TTYH3: variants seen among roughly 807,000 people sequenced by gnomAD.
TTYH3 encodes the protein protein tweety homolog 3.
In TTYH3, 23 loss-of-function variants were observed where a neutral mutation model predicts 68.2. The observed-to-expected ratio is 0.34, with a 90% CI of 0.24 to 0.48. The LOEUF (loss-of-function observed/expected upper bound fraction) is 0.48. Ranked by LOEUF, TTYH3 falls within the 20% of genes least tolerant of loss-of-function variation. TTYH3 has a pLI of 0.99. For synonymous variants in TTYH3, 360 were observed against 332.8 expected (o/e 1.08, Z -0.89); for missense variants, 768 against 727.7 (o/e 1.06, Z -0.64).
At chr7:2,644,909 T>C (rs1444764117) in intron 1 of TTYH3, among the ~76,000 whole-genome samples, 2 of 152,180 alleles carry the variant, frequency 1.3e-5, no homozygotes, top group East Asian at 3.8e-4. Flanking sequence ...AGCAATCCCA[T>C]TGCCCACTGT....
chr7:2,658,301 C>CG lies in TTYH3; in HGVS notation c.1270dup (p.Glu424GlyfsTer33). On this transcript the variant is annotated frameshift_variant, in exon 12 of 14. Transcript: ENST00000258796. LOFTEE classifies it high-confidence loss of function. ...CTCCTCACAGAGGCCCTGATGAGGA[C>CG]GGGGAGGAGGAGGCCGCTCCAGGGC... is the stretch of plus-strand genomic sequence containing the variant. 1 of 1,589,304 alleles carries CG rather than the reference C, an allele frequency of 6.3e-7. No individual in the cohort carries two copies. The highest frequency in any genetic ancestry group is 8.6e-7 in the Non-Finnish European group (1 of 1,167,534).
chr7:2,649,530 T>A lies in TTYH3; in HGVS notation c.723-37T>A. 2.6e-6 allele frequency: 4 copies of A among 1,547,168 alleles called. No homozygotes were observed. In the South Asian group the frequency reaches 4.7e-5, roughly 18 times the overall value. On this transcript the variant is annotated intron_variant, in intron 5 of 13. Transcript: ENST00000258796. ...CCAGCAGGTGGCACGGCCCCCACCC[T>A]GGCCTGGGGGCTGCTGACTGGCTGT...
At chr7:2,641,623 ATCAGACAGTTCCCAT>A (rs1785848837) in intron 1 of TTYH3, among the ~76,000 whole-genome samples, 1 of 152,206 alleles carries the variant, frequency 6.6e-6, no homozygotes, top group African/African-American at 2.4e-5. Context: ...CCAGCTGCTG[ATCAGACAGTTCCCAT>A]TCTTTCTCTG....
At position 2,659,844 on chromosome 7, in the gene TTYH3, C is replaced by T. The variant is rs187425008; in HGVS notation, c.1500+829C>T. The T allele has an allele frequency of 3.0e-4, 369 of 1,233,402 alleles. 1 individual carries two copies. Among genetic ancestry groups the T allele is most frequent in the Admixed American group, 5.3e-4 (20 of 37,810 alleles). 76.4% of individuals were successfully genotyped at this position (1,233,402 alleles called of 1,614,324 possible). Reference sequence around the variant, plus strand: ...GGCTGCCCTCGTCCTCGCCATCACACGGCCCACAGCCCACTCCTGGCCCCA... The same window carrying T: ...GGCTGCCCTCGTCCTCGCCATCACATGGCCCACAGCCCACTCCTGGCCCCA... On this transcript the variant is annotated intron_variant, in intron 13 of 13. Transcript: ENST00000258796.
chr7:2,650,146 C>A (rs757791037), intron 7 of TTYH3, among the ~76,000 whole-genome samples, 158 bp downstream of exon 7: 1 of 152,234 alleles, frequency 6.6e-6, no homozygotes, highest in Non-Finnish European at 1.5e-5. Context: ...ACAGGACCAC[C>A]TTTCCCAAGT....
At chr7:2,654,165 C>T (rs1157623625) in intron 9 of TTYH3, among the ~76,000 whole-genome samples, 4 of 152,134 alleles carry the variant, frequency 2.6e-5, no homozygotes, top group Admixed American at 6.5e-5. Flanking sequence ...GGGGCTGAGG[C>T]AAGGGGATCA....
At chr7:2,640,610 T>C (rs1021170722) in intron 1 of TTYH3, among the ~76,000 whole-genome samples, 2 of 152,130 alleles carry the variant, frequency 1.3e-5, no homozygotes, top group Admixed American at 6.5e-5. Flanking sequence ...GGCAGCCTGG[T>C]GTGGTGTGGC....
In TTYH3 at chr7:2,645,304, C is replaced by T. The variant is rs1172563628; in HGVS notation, c.124-1549C>T. Among the ~76,000 whole-genome samples, 2 of 152,236 alleles carry T rather than the reference C, an allele frequency of 1.3e-5. No homozygotes were observed. Among genetic ancestry groups the T allele is most frequent in the African/African-American group, 4.8e-5 (2 of 41,464 alleles). On this transcript the variant is annotated intron_variant, in intron 1 of 13. Coordinates refer to ENST00000258796, the MANE Select transcript of TTYH3 (RefSeq NM_025250.3). The surrounding 1 kb of genome is among the most constrained non-coding windows in gnomAD (Gnocchi z 4.8). Reference sequence around the variant, plus strand: ...GGGTTGCAGGGCCTGTGTGCTTTCTCTGTAGCTTCTATGAAGCCCAGTTTC... The same window carrying T: ...GGGTTGCAGGGCCTGTGTGCTTTCTTTGTAGCTTCTATGAAGCCCAGTTTC...
chr7:2,632,778 C>G lies in TTYH3; in HGVS notation c.123+500C>G, dbSNP rs574971192. Among the ~76,000 whole-genome samples the G allele has an allele frequency of 3.3e-5, 5 of 152,390 alleles. No individual in the cohort carries two copies. In the East Asian group the frequency reaches 9.7e-4, roughly 29 times the overall value. On this transcript the variant is annotated intron_variant, in intron 1 of 13. Coordinates refer to ENST00000258796, the MANE Select transcript of TTYH3 (RefSeq NM_025250.3). ...GGCAGAGACTCCTCGCCCACTCACC[C>G]CCGACTGGGGAATCCCACTGCCAGG...
Position 2,662,393 on chromosome 7 carries a change from G to A in TTYH3, c.*654G>A, listed in dbSNP as rs1379417996. ...CTCTCCCTCAGCACCTGCCCTGCTG[G>A]AGGCCCCAGCCCTCCGTGGACAGCA... On this transcript the variant is annotated 3_prime_UTR_variant, in exon 14 of 14. Coordinates refer to ENST00000258796, the MANE Select transcript of TTYH3 (RefSeq NM_025250.3). The A allele has an allele frequency of 3.2e-5, 5 of 154,950 alleles. No individual in the cohort carries two copies. Among genetic ancestry groups the A allele is most frequent in the African/African-American group, 1.2e-4 (5 of 41,418 alleles). 9.6% of individuals were successfully genotyped at this position (154,950 alleles called of 1,614,324 possible).
rs1295856958 is a variant in TTYH3 at position 2,652,942 on chromosome 7, C to T, written c.952C>T (p.Leu318=). ...QQKLSGSHKA[L]VEMQDVVAEL... is the part of the protein sequence containing the mutation. ...GAAGCTGTCGGGCAGCCACAAGGCACTGGTGGAGATGCAGGATGTCGTGGC... is the reference window on the plus strand; with the variant it reads ...GAAGCTGTCGGGCAGCCACAAGGCATTGGTGGAGATGCAGGATGTCGTGGC... Residue 318 remains leucine (L), a synonymous_variant, in exon 9 of 14, where the codon CTG becomes TTG. Coordinates refer to ENST00000258796, the MANE Select transcript of TTYH3 (RefSeq NM_025250.3). The T allele has an allele frequency of 3.2e-6, 5 of 1,575,064 alleles. No homozygotes were observed. Among genetic ancestry groups the T allele is most frequent in the Non-Finnish European group, 4.3e-6 (5 of 1,160,528 alleles).
chr7:2,646,880 C>A lies in TTYH3; in HGVS notation c.151C>A (p.Leu51Met). Residue 51 changes from leucine to methionine, a missense_variant, in exon 2 of 14, where the codon CTG becomes ATG. Transcript: ENST00000258796. ...QALLLLGAAA[L>M]ACLALDLLFL... Reference sequence around the variant, plus strand: ...CCTGCTGCTCCTGGGGGCCGCCGCCCTGGCCTGCCTCGCCCTGGACCTCCT... The same window carrying A: ...CCTGCTGCTCCTGGGGGCCGCCGCCATGGCCTGCCTCGCCCTGGACCTCCT... 6.3e-7 allele frequency: 1 copy of A among 1,597,618 alleles called. No homozygotes were observed.
At chr7:2,650,694 C>G (rs1287669226) in intron 7 of TTYH3, among the ~76,000 whole-genome samples, 1 of 151,916 alleles carries the variant, frequency 6.6e-6, no homozygotes, top group Non-Finnish European at 1.5e-5. Context: ...GTCTCTGTGG[C>G]AAGCTTCGCT....
Position 2,658,436 on chromosome 7 carries a change from C to T in TTYH3, c.1401C>T (p.Ser467=), listed in dbSNP as rs745817398. 4 of 1,611,974 alleles carry T rather than the reference C, an allele frequency of 2.5e-6. No homozygotes were observed. The South Asian group carries it at 4.4e-5, about 18-fold the overall frequency. The change falls in exon 12 of 14, where the codon AGC becomes AGT. Residue 467 remains serine (S), a synonymous_variant. Transcript: ENST00000258796. ...TSIPAAAHTV[S]NAPVTEYMSQ... is the part of the protein sequence containing the mutation. ...TCCCGGCCGCGGCCCACACCGTCAGCAACGCCCCGGTCACTGAGTACATGT... is the reference window on the plus strand; with the variant it reads ...TCCCGGCCGCGGCCCACACCGTCAGTAACGCCCCGGTCACTGAGTACATGT...
At chr7:2,656,920 C>T (rs984390437) in intron 11 of TTYH3, among the ~76,000 whole-genome samples, 6 of 152,250 alleles carry the variant, frequency 3.9e-5, no homozygotes, top group Non-Finnish European at 7.3e-5. Context: ...AGGTGCACGA[C>T]GCTGTGGGGG....
chr7:2,634,995 G>C (rs1180377806), intron 1 of TTYH3, among the ~76,000 whole-genome samples: 1 of 152,146 alleles, frequency 6.6e-6, no homozygotes, highest in Non-Finnish European at 1.5e-5. Flanking sequence ...GAGAGGGCAG[G>C]GGGTGGAGGG....
intron 11 of TTYH3, among the ~76,000 whole-genome samples, chr7:2,657,380 GTGA>G (rs1409205757): frequency 6.7e-6 from 1 of 149,526 alleles, no homozygotes; most frequent in Non-Finnish European, 1.5e-5. Context: ...GGTGGTGATG[GTGA>G]TGATGGTGAT....
Position 2,632,238 on chromosome 7 carries a change from C to G in TTYH3, c.83C>G (p.Thr28Ser), listed in dbSNP as rs750046858. The change falls in exon 1 of 14, where the codon ACT becomes AGT. Residue 28 changes from threonine (T) to serine (S), a missense_variant. Thr to Ser is a moderately conservative substitution (Grantham distance 58). Coordinates refer to ENST00000258796, the MANE Select transcript of TTYH3 (RefSeq NM_025250.3). ...CACTTCGACCTGAGCTGGGAGGCCA[C>G]TAGCAGCCAGTTCCGGCCCGAGGAC... ...LPHFDLSWEA[T>S]SSQFRPEDTD... 6.3e-7 allele frequency: 1 copy of G among 1,588,248 alleles called. No homozygotes were observed. Among genetic ancestry groups the G allele is most frequent in the Admixed American group, 1.7e-5 (1 of 57,990 alleles).
intron 9 of TTYH3, among the ~76,000 whole-genome samples, chr7:2,654,186 C>T (rs1177732975): frequency 1.3e-5 from 2 of 152,130 alleles, no homozygotes; most frequent in Non-Finnish European, 1.5e-5. Flanking sequence ...CTTGAGCCCA[C>T]GAGTTCAAGA....
Sources: gnomAD v4.1 joint callset for allele counts (sites outside exome capture counted in the v4.1 genomes callset) on GRCh38, gnomAD v4.1.1 for gene constraint, Gnocchi (gnomAD v3.1) non-coding constraint, MANE v1.5 for transcripts, NCBI Gene and HGNC (gene_info 2026-07-23, HGNC 2026-07-21) for gene names.